The following KLF8 variants were observed in gnomAD, a reference collection of about 807,000 sequenced individuals.
KLF8 encodes the protein KLF transcription factor 8.
A neutral mutation model predicts 18.2 loss-of-function variants in KLF8; 10 were observed. The ratio of observed to expected loss-of-function variants is 0.55; its 90% CI spans 0.34 to 0.93. KLF8 has a LOEUF of 0.93. Among genes scored for constraint, KLF8 ranks in the 40% least tolerant of loss-of-function variants. KLF8 has a pLI of 0.02. For synonymous variants in KLF8, 109 were observed against 97.3 expected (o/e 1.12, Z -0.71); for missense variants, 264 against 277.9 (o/e 0.95, Z 0.36).
the KLF8 span, among the ~76,000 whole-genome samples, chrX:56,055,345 G>A: frequency 1.8e-5 from 2 of 111,547 alleles, no homozygotes; most frequent in African/African-American, 3.3e-5. Context: ...AGCTTAGTTT[G>A]GCTATATATG....
At chrX:56,191,220 A>G in the KLF8 span, among the ~76,000 whole-genome samples, 1 of 111,925 alleles carries the variant, frequency 8.9e-6, no homozygotes, top group African/African-American at 3.2e-5. Context: ...TGAAAAGGAT[A>G]AATTGCTAGA....
the KLF8 span, among the ~76,000 whole-genome samples, chrX:56,210,208 G>A: frequency 2.7e-5 from 3 of 111,449 alleles, no homozygotes; most frequent in Middle Eastern, 4.6e-3. Context: ...ATGCTTTCTA[G>A]CATTTCTTGC....
At chrX:55,991,353 A>T in the KLF8 span, among the ~76,000 whole-genome samples, 3 of 112,113 alleles carry the variant, frequency 2.7e-5, no homozygotes, top group African/African-American at 9.7e-5. Flanking sequence ...GACGATTGGA[A>T]GGGTGCAGTA....
At chrX:56,189,990 T>G in the KLF8 span, among the ~76,000 whole-genome samples, 1 of 108,432 alleles carries the variant, frequency 9.2e-6, no homozygotes, top group African/African-American at 3.4e-5. Context: ...CTGCACATTG[T>G]GCACATGTAC....
the KLF8 span, among the ~76,000 whole-genome samples, chrX:56,167,115 T>C: frequency 9.0e-6 from 1 of 111,249 alleles, no homozygotes; most frequent in Non-Finnish European, 1.9e-5. Context: ...ATGTGACACA[T>C]TGCTTTATTT....
chrX:55,947,913 A>T, the KLF8 span, among the ~76,000 whole-genome samples: 6 of 112,485 alleles, frequency 5.3e-5, no homozygotes, highest in African/African-American at 1.9e-4. Flanking sequence ...ATGAAAATAC[A>T]GTGTACATTT....
At chrX:55,945,661 AT>A in the KLF8 span, among the ~76,000 whole-genome samples, 1 of 111,367 alleles carries the variant, frequency 9.0e-6, no homozygotes, top group Non-Finnish European at 1.9e-5. Flanking sequence ...GGAGAAGGAA[AT>A]AAAAGGTATT....
the KLF8 span, among the ~76,000 whole-genome samples, chrX:56,168,575 T>C: frequency 1.8e-5 from 2 of 111,600 alleles, no homozygotes; most frequent in Non-Finnish European, 3.8e-5. Context: ...TGTATACATG[T>C]GCCATGTTGG....
chrX:55,984,107 T>C, the KLF8 span, among the ~76,000 whole-genome samples: 6 of 109,476 alleles, frequency 5.5e-5, no homozygotes, highest in African/African-American at 2.0e-4. Context: ...TTAAGGAATT[T>C]GGATTTGTTT....
chrX:55,967,510 T>A, the KLF8 span, among the ~76,000 whole-genome samples: 1 of 108,150 alleles, frequency 9.2e-6, no homozygotes, highest in Non-Finnish European at 1.9e-5. Context: ...CTGTAGCCAG[T>A]GAAAATATAC....
chrX:56,061,909 T>C, the KLF8 span, among the ~76,000 whole-genome samples: 1 of 110,475 alleles, frequency 9.1e-6, no homozygotes, highest in African/African-American at 3.3e-5. Flanking sequence ...CCTTTACCAT[T>C]ATTTAATGTT....
At chrX:56,211,163 G>A in the KLF8 span, among the ~76,000 whole-genome samples, 1,530 of 111,577 alleles carry the variant, frequency 0.014, 18 homozygotes, top group Non-Finnish European at 0.019. Flanking sequence ...CTTATTTGTC[G>A]CCGTCCTATT....
chrX:56,176,795 T>G, the KLF8 span, among the ~76,000 whole-genome samples: 1 of 111,816 alleles, frequency 8.9e-6, no homozygotes, highest in African/African-American at 3.3e-5. Flanking sequence ...TGAGGCTTTG[T>G]TCATTTCTTT....
chrX:56,186,459 C>A, the KLF8 span, among the ~76,000 whole-genome samples: 1 of 111,272 alleles, frequency 9.0e-6, no homozygotes, highest in Non-Finnish European at 1.9e-5. Flanking sequence ...CAACGTTAGA[C>A]AGATCAACGA....
the KLF8 span, among the ~76,000 whole-genome samples, chrX:55,959,161 C>A: frequency 7.1e-5 from 8 of 112,340 alleles, no homozygotes; most frequent in South Asian, 1.1e-3. Flanking sequence ...TGAGCTAAGC[C>A]TTGGCTCCAT....
At chrX:56,165,163 C>T in the KLF8 span, among the ~76,000 whole-genome samples, 1 of 110,755 alleles carries the variant, frequency 9.0e-6, no homozygotes, top group Non-Finnish European at 1.9e-5. Context: ...TTGGAACCAA[C>T]CCAAATGTCC....
chrX:56,072,987 A>ATTT, the KLF8 span, among the ~76,000 whole-genome samples: 37 of 83,913 alleles, frequency 4.4e-4, no homozygotes, highest in African/African-American at 1.4e-3. Flanking sequence ...TTCGCTTAGC[A>ATTT]TTTTTTTTTT....
chrX:56,188,723 A>G, the KLF8 span, among the ~76,000 whole-genome samples: 1 of 112,020 alleles, frequency 8.9e-6, no homozygotes, highest in Non-Finnish European at 1.9e-5. Context: ...CCACATATCT[A>G]CAACTATCTG....
the KLF8 span, among the ~76,000 whole-genome samples, chrX:56,159,148 AT>A: frequency 8.9e-6 from 1 of 111,906 alleles, no homozygotes; most frequent in African/African-American, 3.2e-5. Context: ...AGACAATCAT[AT>A]GATTTTTGTC....
Sources: allele counts gnomAD v4.1 joint callset (sites outside exome capture counted in the v4.1 genomes callset), GRCh38; gene constraint gnomAD v4.1.1; transcripts MANE v1.5; gene names NCBI Gene and HGNC (gene_info 2026-07-23, HGNC 2026-07-21).